ME1: variants seen among roughly 807,000 people sequenced by gnomAD.
ME1 encodes the protein NADP-dependent malic enzyme.
Under a neutral mutation model 66.4 loss-of-function variants are expected in ME1, and 74 were observed. The observed-to-expected ratio is 1.11, with a 90% CI of 0.92 to 1.35. The LOEUF is 1.35. Ranked by LOEUF, ME1 falls within the 40% of genes most tolerant of loss-of-function variation. The probability of loss-of-function intolerance (pLI) is 0.00; values close to 1 mark genes in which losing one functional copy is unlikely to be tolerated. For missense variants in ME1, 750 were observed against 694.1 expected (o/e 1.08, Z -0.90); for synonymous variants, 251 against 235.6 (o/e 1.07, Z -0.60).
intron 1 of ME1, among the ~76,000 whole-genome samples, chr6:83,418,937 T>A (rs1423395129): frequency 3.3e-5 from 5 of 152,018 alleles, no homozygotes; most frequent in Non-Finnish European, 7.4e-5. Context: ...AGGTGAAAAG[T>A]TGGGGGTAGG....
intron 7 of ME1, among the ~76,000 whole-genome samples, chr6:83,249,132 T>C (rs1790675499): frequency 6.6e-6 from 1 of 152,152 alleles, no homozygotes; most frequent in African/African-American, 2.4e-5. Flanking sequence ...CTTTCATGTA[T>C]CTCAAAAGAA....
chr6:83,322,446 T>C (rs1768198114), intron 5 of ME1, among the ~76,000 whole-genome samples: 1 of 151,958 alleles, frequency 6.6e-6, no homozygotes, highest in South Asian at 2.1e-4. Context: ...ATAACCAGAT[T>C]AGAGAAGAAC....
intron 9 of ME1, among the ~76,000 whole-genome samples, chr6:83,234,304 A>G (rs1266893075): frequency 6.6e-6 from 1 of 152,140 alleles, no homozygotes; most frequent in East Asian, 1.9e-4. Context: ...CACAGCTCCT[A>G]CTATTCCTAC....
rs775729741 is a variant in ME1 at position 83,212,108 on chromosome 6, AAGAAT to A, written c.1549-19_1549-15del. 2 of 1,561,744 alleles carry A rather than the reference AAGAAT, an allele frequency of 1.3e-6. No individual in the cohort carries two copies. The highest frequency in any genetic ancestry group is 1.7e-6 in the Non-Finnish European group (2 of 1,147,756). On this transcript the variant is annotated splice_polypyrimidine_tract_variant and intron_variant, in intron 13 of 13. Coordinates refer to ENST00000369705, the MANE Select transcript of ME1 (RefSeq NM_002395.6). ...ATCTTTCACAATCTAGATATAAGAA[AAGAAT>A]ATTAATTATTTTAATAAATAGAGGT...
chr6:83,355,143 G>A (rs188248384), intron 3 of ME1, among the ~76,000 whole-genome samples: 1 of 152,174 alleles, frequency 6.6e-6, no homozygotes, highest in Non-Finnish European at 1.5e-5. Context: ...TCCAATGTGA[G>A]CCTATAAAAT....
In ME1 at chr6:83,349,015, A is replaced by AATC. The variant is rs746037012; in HGVS notation, c.439-2682_439-2681insGAT. On this transcript the variant is annotated intron_variant, in intron 4 of 13. Transcript: ENST00000369705. ...AAAAAAAAAAAACAAAAAACAAAAA[A>AATC]CAGTGCATTCTTTCTTATTTCTTCA... Among the ~76,000 whole-genome samples the AATC allele has an allele frequency of 1.6e-5, 2 of 124,026 alleles. 1 individual carries two copies. Among genetic ancestry groups the AATC allele is most frequent in the Admixed American group, 1.9e-4 (2 of 10,526 alleles). 81.4% of individuals were successfully genotyped at this position (124,026 alleles called of 152,430 possible).
At chr6:83,309,043 C>A (rs1375054695) in intron 6 of ME1, among the ~76,000 whole-genome samples, 1 of 151,892 alleles carries the variant, frequency 6.6e-6, no homozygotes, top group Non-Finnish European at 1.5e-5. Flanking sequence ...ACAAAGTGGG[C>A]AAGGGGGGAA....
intron 3 of ME1, among the ~76,000 whole-genome samples, chr6:83,361,559 T>C (rs906714805): frequency 2.0e-5 from 3 of 152,210 alleles, no homozygotes; most frequent in Non-Finnish European, 4.4e-5. Context: ...CAGTGGCAGA[T>C]AGGGATGCTG....
Position 83,212,072 on chromosome 6 carries a change from T to G in ME1, c.1571A>C (p.Glu524Ala), listed in dbSNP as rs772613432. 2 of 1,608,672 alleles carry G rather than the reference T, an allele frequency of 1.2e-6. No individual in the cohort carries two copies. Among genetic ancestry groups the G allele is most frequent in the Middle Eastern group, 1.7e-4 (1 of 6,036 alleles). ...AEKIVKDAYQ[E>A]KTATVYPEPQ... is the part of the protein sequence containing the mutation. ...TTCAGGATAAACTGTGGCTGTCTTT[T>G]CTTGGTATGCATCTTTCACAATCTA... is the stretch of plus-strand genomic sequence containing the variant. The change falls in exon 14 of 14, where the codon GAA becomes GCA. Residue 524 changes from glutamate to alanine, a missense_variant. Physicochemically the swap from Glu to Ala is moderately radical, Grantham distance 107 (BLOSUM62 -1). Coordinates refer to ENST00000369705, the MANE Select transcript of ME1 (RefSeq NM_002395.6).
At chr6:83,305,621 G>C (rs2128537487) in intron 6 of ME1, among the ~76,000 whole-genome samples, 1 of 152,244 alleles carries the variant, frequency 6.6e-6, no homozygotes. Context: ...GTGCAGGAGA[G>C]TGAGCACATC....
chr6:83,418,088 G>T (rs1770195874), intron 1 of ME1, among the ~76,000 whole-genome samples: 1 of 152,140 alleles, frequency 6.6e-6, no homozygotes, highest in Non-Finnish European at 1.5e-5. Flanking sequence ...TGGCTTTCTT[G>T]CTTCAGATCC....
intron 7 of ME1, among the ~76,000 whole-genome samples, chr6:83,249,324 C>T (rs1291649647): frequency 2.6e-5 from 4 of 151,928 alleles, no homozygotes; most frequent in East Asian, 1.9e-4. Flanking sequence ...TTGCTGAAAC[C>T]TCCACCACCC....
chr6:83,236,327 T>A (rs1790402985), intron 9 of ME1, among the ~76,000 whole-genome samples: 1 of 152,172 alleles, frequency 6.6e-6, no homozygotes. Context: ...ATGAGATAGA[T>A]TCTTTGAATG....
chr6:83,316,736 A>G (rs1393954149), intron 5 of ME1, among the ~76,000 whole-genome samples: 1 of 152,148 alleles, frequency 6.6e-6, no homozygotes, highest in East Asian at 1.9e-4. Flanking sequence ...CACAGTTTAT[A>G]AAGTAAATAT....
intron 6 of ME1, among the ~76,000 whole-genome samples, chr6:83,310,105 G>A (rs1781746): frequency 0.24 from 37,065 of 151,858 alleles, 5,083 homozygotes; most frequent in Middle Eastern, 0.45. Flanking sequence ...TCTGAATTGA[G>A]AAATTATGCT....
chr6:83,362,037 A>G lies in ME1; in HGVS notation c.363-9898T>C, dbSNP rs531545651. ...GCTGGTTCACAGATGGTTCTGCACA[A>G]TATGCAGATAACACCCGAAAGTGGA... On this transcript the variant is annotated intron_variant, in intron 3 of 13. Transcript: ENST00000369705. Among the ~76,000 whole-genome samples, 344 of 152,306 alleles carry G rather than the reference A, an allele frequency of 2.3e-3. 2 individuals carry two copies. Among genetic ancestry groups the G allele is most frequent in the Non-Finnish European group, 3.6e-3 (243 of 68,030 alleles).
intron 5 of ME1, among the ~76,000 whole-genome samples, chr6:83,320,056 T>C (rs1768122976): frequency 6.6e-6 from 1 of 152,170 alleles, no homozygotes; most frequent in Non-Finnish European, 1.5e-5. Flanking sequence ...AATCCTAGGA[T>C]GGTGATAAGC....
intron 3 of ME1, chr6:83,392,714 G>T: frequency 1.6e-6 from 1 of 623,366 alleles, no homozygotes; most frequent in South Asian, 1.4e-5. Flanking sequence ...GAGTTCACCA[G>T]CATCTTCACC....
intron 6 of ME1, among the ~76,000 whole-genome samples, chr6:83,260,097 C>T (rs902601062): frequency 6.6e-6 from 1 of 151,502 alleles, no homozygotes. Flanking sequence ...AACAGTATTT[C>T]CAACCATTTT....
Sources: allele counts gnomAD v4.1 joint callset (sites outside exome capture counted in the v4.1 genomes callset), GRCh38; gene constraint gnomAD v4.1.1; transcripts MANE v1.5; gene names NCBI Gene and HGNC (gene_info 2026-07-23, HGNC 2026-07-21).